Variants in SMARCC1 observed in about 807,000 individuals in gnomAD.
The protein encoded by SMARCC1 is SWI/SNF related BAF chromatin remodeling complex subunit C1.
Under a neutral mutation model 147.4 loss-of-function variants are expected in SMARCC1, and 43 were observed. The ratio of observed to expected loss-of-function variants is 0.29; its 90% CI spans 0.23 to 0.38. SMARCC1 has a LOEUF of 0.38. SMARCC1 is among the 10% of genes least tolerant of loss of function. The probability of loss-of-function intolerance (pLI) is 1.00; values close to 1 mark genes in which losing one functional copy is unlikely to be tolerated. For synonymous variants in SMARCC1, 495 were observed against 484.4 expected (o/e 1.02, Z -0.29); for missense variants, 1,119 against 1,381.1 (o/e 0.81, Z 3.01).
At chr3:47,597,628 C>T (rs1033960166) in intron 26 of SMARCC1, among the ~76,000 whole-genome samples, 2 of 151,984 alleles carry the variant, frequency 1.3e-5, no homozygotes, top group Non-Finnish European at 2.9e-5. Flanking sequence ...GCCCGGCCCA[C>T]GCCAGCTAAT....
intron 26 of SMARCC1, among the ~76,000 whole-genome samples, chr3:47,592,787 TG>T (rs1451570149): frequency 6.7e-6 from 1 of 148,476 alleles, no homozygotes; most frequent in Non-Finnish European, 1.5e-5. Context: ...TTTGTAGAGA[TG>T]GGGTCTCACT....
chr3:47,751,386 C>A (rs2034627538), intron 2 of SMARCC1, among the ~76,000 whole-genome samples: 1 of 151,744 alleles, frequency 6.6e-6, no homozygotes, highest in African/African-American at 2.4e-5. Context: ...ACCAAAAATA[C>A]AAAAATTAGC....
intron 14 of SMARCC1, among the ~76,000 whole-genome samples, chr3:47,682,588 G>A (rs1405525162): frequency 4.6e-5 from 7 of 152,016 alleles, no homozygotes; most frequent in African/African-American, 1.2e-4. Flanking sequence ...AAAGAATGCC[G>A]GTTTCTCATG....
At chr3:47,702,250 C>A (rs2033931424) in intron 10 of SMARCC1, among the ~76,000 whole-genome samples, 2 of 145,288 alleles carry the variant, frequency 1.4e-5, no homozygotes, top group African/African-American at 2.5e-5. Context: ...AAAAAAACCC[C>A]AGTGATGATT....
chr3:47,647,121 GGTCA>G (rs974821157), intron 21 of SMARCC1, among the ~76,000 whole-genome samples: 1 of 152,054 alleles, frequency 6.6e-6, no homozygotes, highest in African/African-American at 2.4e-5. Flanking sequence ...TGAAATGATC[GGTCA>G]GACAGCGAAA....
chr3:47,617,968 T>A (rs2032669835), intron 25 of SMARCC1, among the ~76,000 whole-genome samples: 1 of 152,178 alleles, frequency 6.6e-6, no homozygotes, highest in Admixed American at 6.5e-5. Flanking sequence ...AATCACTTAC[T>A]CAGAAACCAT....
intron 18 of SMARCC1, among the ~76,000 whole-genome samples, chr3:47,671,448 C>T (rs2106749670): frequency 6.6e-6 from 1 of 152,284 alleles, no homozygotes; most frequent in South Asian, 2.1e-4. Context: ...AAAACACTGA[C>T]AGGTTCTTGA....
chr3:47,662,708 TAGAAAG>T, intron 19 of SMARCC1, 116 bp from the exon 20 acceptor site: 4 of 795,346 alleles, frequency 5.0e-6, no homozygotes, highest in Non-Finnish European at 6.1e-6. Context: ...TATGCATAAA[TAGAAAG>T]ATTTGATGGT....
intron 12 of SMARCC1, among the ~76,000 whole-genome samples, chr3:47,692,588 A>C (rs1464569005): frequency 2.6e-5 from 4 of 152,212 alleles, no homozygotes; most frequent in African/African-American, 4.8e-5. Flanking sequence ...ATTATGCTCC[A>C]AGAGGGGGAG....
intron 14 of SMARCC1, among the ~76,000 whole-genome samples, chr3:47,682,498 C>T (rs2033665720): frequency 1.3e-5 from 2 of 152,012 alleles, no homozygotes; most frequent in African/African-American, 2.4e-5. Context: ...CTCAAGCGAC[C>T]CACCAGCCTC....
At chr3:47,744,625 CTG>C (rs1036751529) in intron 3 of SMARCC1, among the ~76,000 whole-genome samples, 1 of 152,054 alleles carries the variant, frequency 6.6e-6, no homozygotes, top group Non-Finnish European at 1.5e-5. Flanking sequence ...AGGTTATAAA[CTG>C]TGCACCACTA....
intron 2 of SMARCC1, among the ~76,000 whole-genome samples, chr3:47,771,234 T>C (rs1022851016): frequency 2.0e-5 from 3 of 152,144 alleles, no homozygotes; most frequent in South Asian, 2.1e-4. Flanking sequence ...TCAATTATAT[T>C]TGAAAGATCA....
intron 11 of SMARCC1, among the ~76,000 whole-genome samples, chr3:47,693,651 G>T (rs1025227253): frequency 6.6e-6 from 1 of 152,004 alleles, no homozygotes; most frequent in African/African-American, 2.4e-5. Context: ...AAAAAATTAA[G>T]GAAGAACTAA....
At chr3:47,616,603 G>A (rs926025888) in intron 25 of SMARCC1, among the ~76,000 whole-genome samples, 2 of 151,774 alleles carry the variant, frequency 1.3e-5, no homozygotes, top group African/African-American at 2.4e-5. Context: ...CCACCATCAC[G>A]CCCAGCTAAT....
Position 47,772,125 on chromosome 3 carries a change from C to T in SMARCC1, c.315+692G>A, listed in dbSNP as rs568968149. Among the ~76,000 whole-genome samples, 12 of 152,156 alleles carry T rather than the reference C, an allele frequency of 7.9e-5. No homozygotes were observed. The South Asian group carries it at 8.3e-4, about 11-fold the overall frequency. Reference sequence around the variant, plus strand: ...GCAGAGAAGGGCTGGTGTGGTGGCTCGCACCAGTAATCAAAGAGCTTTCAG... The same window carrying T: ...GCAGAGAAGGGCTGGTGTGGTGGCTTGCACCAGTAATCAAAGAGCTTTCAG... On this transcript the variant is annotated intron_variant, in intron 2 of 27. Transcript: ENST00000254480.
chr3:47,708,091 T>C (rs112456485), intron 9 of SMARCC1, among the ~76,000 whole-genome samples: 259 of 6,772 alleles, frequency 0.038, no homozygotes, highest in East Asian at 0.14. Context: ...TTCTTTTTTT[T>C]TTTTTTTTTT....
rs532352330 is a variant in SMARCC1 at position 47,612,763 on chromosome 3, G to C, written c.2782-2436C>G. 2.6e-5 allele frequency among the ~76,000 whole-genome samples: 4 copies of C among 152,240 alleles called. No homozygotes were observed. The East Asian group carries it at 7.7e-4, about 29-fold the overall frequency. ...AAAAGTAATTAGAAGAATTAGAAAG[G>C]ATAAGTGATTAAACACATACATAAA... is the stretch of plus-strand genomic sequence containing the variant. On this transcript the variant is annotated intron_variant, in intron 25 of 27. Coordinates refer to ENST00000254480, the MANE Select transcript of SMARCC1 (RefSeq NM_003074.4).
At chr3:47,707,082 G>A (rs1019212686) in intron 9 of SMARCC1, among the ~76,000 whole-genome samples, 6 of 152,062 alleles carry the variant, frequency 3.9e-5, no homozygotes, top group African/African-American at 9.7e-5. Flanking sequence ...AAGCCGAGGC[G>A]GGAAGATCAC....
chr3:47,663,981 C>A, intron 19 of SMARCC1: 2 of 1,109,976 alleles, frequency 1.8e-6, no homozygotes, highest in Non-Finnish European at 2.6e-6. Flanking sequence ...TTCCAAAACC[C>A]AGGAGCAAGC....
Sources: gnomAD v4.1 joint callset for allele counts (sites outside exome capture counted in the v4.1 genomes callset) on GRCh38, gnomAD v4.1.1 for gene constraint, MANE v1.5 for transcripts, NCBI Gene and HGNC (gene_info 2026-07-23, HGNC 2026-07-21) for gene names.